CACNA1G: variants seen among roughly 807,000 people sequenced by gnomAD.
CACNA1G encodes calcium voltage-gated channel subunit alpha1 G.
CACNA1G carries 67 observed loss-of-function variants against 219.4 expected under a neutral mutation model. The observed-to-expected ratio is 0.31, with a 90% CI of 0.25 to 0.37. The LOEUF (loss-of-function observed/expected upper bound fraction) is 0.37, where lower values mean the gene tolerates loss of function less well. CACNA1G is among the 10% of genes least tolerant of loss of function. The pLI, the probability that CACNA1G is intolerant of heterozygous loss-of-function variation, is 1.00. For missense variants in CACNA1G, 2,380 were observed against 3,231.4 expected (o/e 0.74, Z 6.39); for synonymous variants, 1,296 against 1,345.3 (o/e 0.96, Z 0.80).
intron 7 of CACNA1G, among the ~76,000 whole-genome samples, chr17:50,575,086 T>C (rs967175593): frequency 1.3e-5 from 2 of 152,192 alleles, no homozygotes; most frequent in Non-Finnish European, 2.9e-5. Context: ...TTTGTCAAGA[T>C]CTCAAGGCTC....
rs544755611 is a variant in CACNA1G, at chr17:50,603,951, G to T, written c.4170-204G>T. Reference sequence around the variant, plus strand: ...TCCTGGGATGGAGGTGGAGATGTGGGGCATGGGGATCTCTGCCACTTGTTT... The same window carrying T: ...TCCTGGGATGGAGGTGGAGATGTGGTGCATGGGGATCTCTGCCACTTGTTT... On this transcript the variant is annotated intron_variant, in intron 21 of 37. Transcript: ENST00000359106. The surrounding 1 kb of genome is among the most constrained non-coding windows in gnomAD (Gnocchi z 6.4). 5.4e-4 allele frequency among the ~76,000 whole-genome samples: 82 copies of T among 152,254 alleles called. 1 individual carries two copies. The highest frequency in any genetic ancestry group is 5.9e-5 in the Non-Finnish European group (4 of 68,018).
Position 50,626,693 on chromosome 17 carries a change from A to G in CACNA1G, c.7076A>G (p.Lys2359Arg), listed in dbSNP as rs1321609844. Residue 2359 changes from lysine to arginine, a missense_variant, in exon 38 of 38, where the codon AAG becomes AGG. Around this residue, in one of 17 missense-constraint regions of CACNA1G, gnomAD observed 672 missense variants for 670.5 expected, o/e 1.00. Coordinates refer to ENST00000359106, the MANE Select transcript of CACNA1G (RefSeq NM_018896.5). This position sits in a 1 kb window ranked among gnomAD's most constrained non-coding sequence, Gnocchi z 4.3. Reference protein sequence around the residue: ...PDSMAASPSPKKDVLSLSGLS... With the variant: ...PDSMAASPSPRKDVLSLSGLS... Reference sequence around the variant, plus strand: ...AGCATGGCTGCCTCGCCCTCCCCAAAGAAAGATGTGCTGAGTCTCTCCGGT... The same window carrying G: ...AGCATGGCTGCCTCGCCCTCCCCAAGGAAAGATGTGCTGAGTCTCTCCGGT... The G allele has an allele frequency of 2.5e-6, 4 of 1,613,072 alleles. No homozygotes were observed. The highest frequency in any genetic ancestry group is 3.4e-6 in the Non-Finnish European group (4 of 1,179,856).
chr17:50,626,537 G>A lies in CACNA1G; in HGVS notation c.6920G>A (p.Ser2307Asn), dbSNP rs745989124. 4 of 1,575,134 alleles carry A rather than the reference G, an allele frequency of 2.5e-6. No homozygotes were observed. The highest frequency in any genetic ancestry group is 3.4e-6 in the Non-Finnish European group (4 of 1,162,694). Reference protein sequence around the residue: ...GPGSRPKKKLSPPSITIDPPE... With the variant: ...GPGSRPKKKLNPPSITIDPPE... ...GGGAGCCGGCCCAAGAAAAAACTCAGCCCGCCTAGTATCACCATAGACCCC... is the reference window on the plus strand; with the variant it reads ...GGGAGCCGGCCCAAGAAAAAACTCAACCCGCCTAGTATCACCATAGACCCC... Residue 2307 changes from serine (S) to asparagine (N), a missense_variant, in exon 38 of 38, where the codon AGC (serine) becomes AAC (asparagine). By Grantham distance (46) the Ser-to-Asn change is conservative. This residue lies in a region of CACNA1G where 672 missense variants were observed against 670.5 expected (regional missense o/e 1.00). Coordinates refer to ENST00000359106, the MANE Select transcript of CACNA1G (RefSeq NM_018896.5). The surrounding 1 kb of genome is among the most constrained non-coding windows in gnomAD (Gnocchi z 4.3).
At chr17:50,589,404 G>A (rs1229105400) in intron 9 of CACNA1G, among the ~76,000 whole-genome samples, 2 of 152,182 alleles carry the variant, frequency 1.3e-5, no homozygotes, top group Non-Finnish European at 2.9e-5. Context: ...AATTTATTTT[G>A]GCACTGAAGC....
chr17:50,619,219 C>T (rs2051199316), intron 33 of CACNA1G, among the ~76,000 whole-genome samples: 1 of 152,204 alleles, frequency 6.6e-6, no homozygotes, highest in African/African-American at 2.4e-5. Flanking sequence ...GCAGACGGGC[C>T]AGCTTAGCCA....
intron 16 of CACNA1G, among the ~76,000 whole-genome samples, 154 bp from the exon 17 acceptor site, chr17:50,599,274 C>A (rs1405401656): frequency 1.3e-5 from 2 of 152,186 alleles, no homozygotes; most frequent in Non-Finnish European, 2.9e-5. Flanking sequence ...TTGGGGTGAG[C>A]CAGGATCTGA....
chr17:50,567,201 C>T (rs1467477256), intron 1 of CACNA1G, among the ~76,000 whole-genome samples: 1 of 152,222 alleles, frequency 6.6e-6, no homozygotes, highest in Non-Finnish European at 1.5e-5. Context: ...TTTTTATTTC[C>T]TCCCTGTCAT....
In CACNA1G at chr17:50,607,969, C is replaced by G. The variant is rs1339970619; in HGVS notation, c.4655C>G (p.Ala1552Gly). The G allele has an allele frequency of 1.2e-6, 2 of 1,613,618 alleles. No homozygotes were observed. The highest frequency in any genetic ancestry group is 1.3e-5 in the African/African-American group (1 of 75,032). Reference sequence around the variant, plus strand: ...CGGCAGCACCAGGAGGAAGAGGAGGCCCGGCGGCGGGAGGAGAAGCGCCTA... The same window carrying G: ...CGGCAGCACCAGGAGGAAGAGGAGGGCCGGCGGCGGGAGGAGAAGCGCCTA... Reference protein sequence around the residue: ...KCRQHQEEEEARRREEKRLRR... With the variant: ...KCRQHQEEEEGRRREEKRLRR... Residue 1552 changes from alanine (A) to glycine (G), a missense_variant, in exon 25 of 38, where the codon GCC becomes GGC. Physicochemically the swap from Ala to Gly is moderately conservative, Grantham distance 60. Transcript: ENST00000359106.
At position 50,621,785 on chromosome 17, in the gene CACNA1G, G is replaced by A; in HGVS notation, c.6051G>A (p.Leu2017=). The A allele has an allele frequency of 6.2e-7, 1 of 1,613,728 alleles. No homozygotes were observed. Among genetic ancestry groups the A allele is most frequent in the Non-Finnish European group, 8.5e-7 (1 of 1,179,860 alleles). The change falls in exon 35 of 38, where the codon CTG becomes CTA. Residue 2017 remains leucine (L), a synonymous_variant. Coordinates refer to ENST00000359106, the MANE Select transcript of CACNA1G (RefSeq NM_018896.5). The surrounding 1 kb of genome is among the most constrained non-coding windows in gnomAD (Gnocchi z 4.6). ...DDMHTLLLSA[L]ESNMQPHPTE... Reference sequence around the variant, plus strand: ...TGCACACACTCTTACTTAGTGCCCTGGAGAGCAATGTACATACACACTGCC... The same window carrying A: ...TGCACACACTCTTACTTAGTGCCCTAGAGAGCAATGTACATACACACTGCC...
At position 50,591,498 on chromosome 17, in the gene CACNA1G, G is replaced by A. The variant is rs1160710562; in HGVS notation, c.2517G>A (p.Met839Ile). ...CGGTGCTGCGGACCTTCCGCCTGAT[G>A]CGTGTGCTGAAGCTGGTGCGCTTCC... is the stretch of plus-strand genomic sequence containing the variant. ...GLSVLRTFRLMRVLKLVRFLP... is the reference protein window; with the variant it reads ...GLSVLRTFRLIRVLKLVRFLP... Residue 839 changes from methionine (M) to isoleucine (I), a missense_variant, in exon 11 of 38, where the codon ATG (methionine) becomes ATA (isoleucine). Met to Ile is a conservative substitution (Grantham distance 10, BLOSUM62 1). Coordinates refer to ENST00000359106, the MANE Select transcript of CACNA1G (RefSeq NM_018896.5). The A allele has an allele frequency of 3.1e-6, 5 of 1,608,616 alleles. No homozygotes were observed. The highest frequency in any genetic ancestry group is 4.2e-6 in the Non-Finnish European group (5 of 1,177,962).
chr17:50,620,754 G>A (rs2051671755), intron 34 of CACNA1G, among the ~76,000 whole-genome samples: 1 of 152,226 alleles, frequency 6.6e-6, no homozygotes, highest in Admixed American at 6.5e-5. Context: ...TGTGGGAAGG[G>A]ACCTTGCCTC....
chr17:50,626,313 C>A lies in CACNA1G; in HGVS notation c.6696C>A (p.Gly2232=). Residue 2232 remains glycine (G), a synonymous_variant, in exon 38 of 38, where the codon GGC becomes GGA. Coordinates refer to ENST00000359106, the MANE Select transcript of CACNA1G (RefSeq NM_018896.5). The surrounding 1 kb of genome is among the most constrained non-coding windows in gnomAD (Gnocchi z 4.3). ...TTTCAGGAGACCTCCTGCCCCCTGG[C>A]GGCCAGGAGGAGCCCCCATCCCCAC... The part of the protein sequence containing the change: ...SWISGDLLPP[G]GQEEPPSPRD... 3 of 1,613,300 alleles carry A rather than the reference C, an allele frequency of 1.9e-6. No individual in the cohort carries two copies. Among genetic ancestry groups the A allele is most frequent in the Non-Finnish European group, 2.5e-6 (3 of 1,179,802 alleles).
intron 26 of CACNA1G, 77 bp downstream of exon 26, chr17:50,610,012 C>T (rs1189033508): frequency 7.0e-7 from 1 of 1,426,668 alleles, no homozygotes; most frequent in African/African-American, 1.4e-5. Context: ...TTGATTCTAT[C>T]CTCTTGGGGT....
intron 19 of CACNA1G, 132 bp from the exon 20 acceptor site, chr17:50,602,688 A>G: frequency 1.4e-6 from 1 of 733,496 alleles, no homozygotes. Flanking sequence ...CGTGATCTAC[A>G]TTGTTGTGGA....
rs768757826 is a variant in CACNA1G, at chr17:50,627,435, C to CTA, written c.*695_*696dup. 2.7e-5 allele frequency: 7 copies of CTA among 258,286 alleles called. No homozygotes were observed. Among genetic ancestry groups the CTA allele is most frequent in the African/African-American group, 9.0e-5 (4 of 44,332 alleles). The allele number at this position is 258,286 out of a possible 1,614,324, so 16.0% of individuals were successfully genotyped here. On this transcript the variant is annotated 3_prime_UTR_variant, in exon 38 of 38. Coordinates refer to ENST00000359106, the MANE Select transcript of CACNA1G (RefSeq NM_018896.5). ...CATACATACATATCTATCTATCTAT[C>CTA]TATATATATATAAAATAAAGTAATT...
intron 35 of CACNA1G, among the ~76,000 whole-genome samples, chr17:50,622,014 T>C (rs542860952): frequency 1.3e-5 from 2 of 152,284 alleles, no homozygotes; most frequent in East Asian, 3.9e-4. Context: ...TAAGTTTAAA[T>C]TGGGGCCTTG....
chr17:50,626,620 G>T lies in CACNA1G; in HGVS notation c.7003G>T (p.Ala2335Ser). 1 of 1,612,852 alleles carries T rather than the reference G, an allele frequency of 6.2e-7. No homozygotes were observed. The highest frequency in any genetic ancestry group is 2.2e-5 in the East Asian group (1 of 44,812). ...PSPGICLRRR[A>S]PSSDSKDPLA... The stretch of plus-strand genomic sequence containing the variant: ...CCCTGGTATCTGCCTCCGGAGGAGG[G>T]CTCCGTCCAGCGACTCCAAGGATCC... The change falls in exon 38 of 38, where the codon GCT (alanine) becomes TCT (serine). Residue 2335 changes from alanine (A) to serine (S), a missense_variant. By Grantham distance (99) the Ala-to-Ser change is moderately conservative. Coordinates refer to ENST00000359106, the MANE Select transcript of CACNA1G (RefSeq NM_018896.5). The surrounding 1 kb of genome is among the most constrained non-coding windows in gnomAD (Gnocchi z 4.3).
Position 50,582,245 on chromosome 17 carries a change from G to C in CACNA1G, c.2301+3681G>C, listed in dbSNP as rs201910449. Among the ~76,000 whole-genome samples the C allele has an allele frequency of 4.6e-5, 7 of 152,318 alleles. No individual in the cohort carries two copies. The East Asian group carries it at 1.4e-3, about 29-fold the overall frequency. ...GGGCTCCGTGTAGGAGGTGACCTCT[G>C]GGCTGAGTCTGAAGGAAGAGTAGGA... On this transcript the variant is annotated intron_variant, in intron 9 of 37. Transcript: ENST00000359106.
At chr17:50,612,202 G>A (rs2049356351) in intron 26 of CACNA1G, among the ~76,000 whole-genome samples, 1 of 152,268 alleles carries the variant, frequency 6.6e-6, no homozygotes. Flanking sequence ...TGGGGACAGA[G>A]TCAAACGCAG....
Sources: gnomAD v4.1 joint callset for allele counts (sites outside exome capture counted in the v4.1 genomes callset) on GRCh38, gnomAD v4.1.1 for gene constraint, gnomAD v4.1.1 regional missense constraint, Gnocchi (gnomAD v3.1) non-coding constraint, MANE v1.5 for transcripts, NCBI Gene and HGNC (gene_info 2026-07-23, HGNC 2026-07-21) for gene names.